The following KRTAP4-9 variants were observed in gnomAD, a reference collection of about 807,000 sequenced individuals.
KRTAP4-9 encodes keratin associated protein 4-9.
Under a neutral mutation model 4.3 loss-of-function variants are expected in KRTAP4-9, and 4 were observed. That is an observed-to-expected ratio of 0.94 (90% CI 0.46 to 2.15). The LOEUF is 2.15. Ranked by LOEUF, KRTAP4-9 falls within the 30% of genes most tolerant of loss-of-function variation. The pLI is 0.02. For missense variants in KRTAP4-9, 297 were observed against 278.5 expected (o/e 1.07, Z -0.47); for synonymous variants, 111 against 99.2 (o/e 1.12, Z -0.70).
At chr17:41,105,403 T>C (rs757020883) in exon 1 of KRTAP4-9, 3 of 1,602,672 alleles carry the variant, frequency 1.9e-6, no homozygotes, top group Non-Finnish European at 2.6e-6. Flanking sequence ...TCAGCTCCTG[T>C]TGTGGCTCCG....
chr17:41,105,634 C>G, exon 1 of KRTAP4-9: 6 of 1,601,606 alleles, frequency 3.7e-6, no homozygotes, highest in Non-Finnish European at 5.1e-6. Context: ...GCTACCGCCC[C>G]AGCTGTTGTG....
At chr17:41,106,215 C>T in exon 1 of KRTAP4-9, 4 of 1,031,940 alleles carry the variant, frequency 3.9e-6, no homozygotes, top group Non-Finnish European at 5.5e-6. Context: ...CCCTCCCTTG[C>T]TTTCTTTTTC....
chr17:41,105,813 C>T, exon 1 of KRTAP4-9: 3 of 1,612,040 alleles, frequency 1.9e-6, no homozygotes, highest in Non-Finnish European at 2.5e-6. Flanking sequence ...TGCTGCCAGT[C>T]TGTGTGCTGC....
exon 1 of KRTAP4-9, chr17:41,106,364 C>G (rs1360871273): frequency 1.5e-5 from 6 of 394,820 alleles, no homozygotes; most frequent in Non-Finnish European, 2.8e-5. Flanking sequence ...TCTGCAGGAC[C>G]AGTTTTGTCA....
At chr17:41,105,693 C>T in exon 1 of KRTAP4-9, 1 of 1,570,130 alleles carries the variant, frequency 6.4e-7, no homozygotes, top group Non-Finnish European at 8.6e-7. Flanking sequence ...TGCTGCCAAC[C>T]CACTTGCTGT....
At chr17:41,106,357 G>T in exon 1 of KRTAP4-9, 1 of 412,112 alleles carries the variant, frequency 2.4e-6, no homozygotes, top group South Asian at 5.3e-5. Flanking sequence ...GACATTATCT[G>T]CAGGACCAGT....
chr17:41,105,598 T>C, exon 1 of KRTAP4-9: 1 of 1,563,638 alleles, frequency 6.4e-7, no homozygotes, highest in Non-Finnish European at 8.6e-7. Context: ...CCAGCTGCTG[T>C]CAGACCACCT....
At position 41,105,764 on chromosome 17, in the gene KRTAP4-9, C is replaced by T. The variant is rs2014076031; in HGVS notation, c.376C>T (p.Arg126Cys). 1.2e-5 allele frequency: 19 copies of T among 1,602,518 alleles called. No individual in the cohort carries two copies. In the Middle Eastern group the frequency reaches 8.4e-4, roughly 71 times the overall value. ...TAGGTGCTGCATCTCCAGCTGCTGT[C>T]GCCCCAGCTGCTGTGTGTCCAGCTG... Residue 126 changes from arginine (R) to cysteine (C), a missense_variant, in exon 1 of 1, where the codon CGC becomes TGC. Physicochemically the swap from Arg to Cys is radical, Grantham distance 180. Transcript: ENST00000391415.
exon 1 of KRTAP4-9, chr17:41,106,446 T>C (rs1389593881): frequency 9.4e-6 from 2 of 211,814 alleles, no homozygotes; most frequent in Non-Finnish European, 2.1e-5. Flanking sequence ...TTCTTATGCT[T>C]TGTTGCATCT....
At chr17:41,105,421 T>C in exon 1 of KRTAP4-9, 1 of 1,611,708 alleles carries the variant, frequency 6.2e-7, no homozygotes, top group Non-Finnish European at 8.5e-7. Context: ...CCGTGTGCTC[T>C]GACCAGGGCT....
exon 1 of KRTAP4-9, chr17:41,105,699 G>T: frequency 1.3e-6 from 2 of 1,571,572 alleles, no homozygotes; most frequent in South Asian, 1.2e-5. Flanking sequence ...CAACCCACTT[G>T]CTGTCGCCCC....
exon 1 of KRTAP4-9, chr17:41,105,866 T>C: frequency 6.5e-7 from 1 of 1,532,088 alleles, no homozygotes; most frequent in South Asian, 1.1e-5. Context: ...CTCCAGCTGC[T>C]GCCGCCCCTC....
In KRTAP4-9 at chr17:41,105,824, C is replaced by T; in HGVS notation, c.436C>T (p.Gln146Ter). ...CCAGTGCTGCCAGTCTGTGTGCTGC[C>T]AGCCCAACTGCTGCCGCCCCAGCTG... The change falls in exon 1 of 1, where the codon CAG (glutamine) becomes TAG (stop). Residue 146 changes from glutamine to a stop codon, truncating the protein, a stop_gained. Transcript: ENST00000391415. LOFTEE classifies it high-confidence loss of function. 1 of 1,611,818 alleles carries T rather than the reference C, an allele frequency of 6.2e-7. No individual in the cohort carries two copies.
exon 1 of KRTAP4-9, chr17:41,105,672 G>A: frequency 1.9e-6 from 3 of 1,565,414 alleles, no homozygotes; most frequent in Non-Finnish European, 2.6e-6. Context: ...CCCCAGTGCT[G>A]CCAGCCTGCG....
chr17:41,106,170 T>C (rs1262654884), exon 1 of KRTAP4-9: 4 of 1,328,656 alleles, frequency 3.0e-6, no homozygotes, highest in Non-Finnish European at 4.0e-6. Flanking sequence ...ACCATTTCAC[T>C]GACTCTTTGA....
At position 41,106,113 on chromosome 17, in the gene KRTAP4-9, T is replaced by C. The variant is rs966627383; in HGVS notation, c.*92T>C. The C allele has an allele frequency of 8.8e-6, 13 of 1,469,868 alleles. No individual in the cohort carries two copies. In the African/African-American group the frequency reaches 1.7e-4, roughly 19 times the overall value. 91.1% of individuals were successfully genotyped at this position (1,469,868 alleles called of 1,614,324 possible). ...GACCATTAGGATACAGGAAGTGGGG[T>C]TGATGTCATTCAATAGAATGGAACT... On this transcript the variant is annotated 3_prime_UTR_variant, in exon 1 of 1. Coordinates refer to ENST00000391415, the Ensembl canonical transcript of KRTAP4-9.
At chr17:41,105,706 C>T in exon 1 of KRTAP4-9, 27 of 1,572,960 alleles carry the variant, frequency 1.7e-5, no homozygotes, top group Non-Finnish European at 2.3e-5. Flanking sequence ...CTTGCTGTCG[C>T]CCCAGCTGCT....
chr17:41,105,748 C>T (rs1447446824), exon 1 of KRTAP4-9: 4 of 1,601,522 alleles, frequency 2.5e-6, no homozygotes, highest in African/African-American at 1.3e-5. Flanking sequence ...CTAGGTGCTG[C>T]ATCTCCAGCT....
exon 1 of KRTAP4-9, chr17:41,105,636 G>T: frequency 6.2e-7 from 1 of 1,601,600 alleles, no homozygotes; most frequent in Non-Finnish European, 8.5e-7. Flanking sequence ...TACCGCCCCA[G>T]CTGTTGTGTG....
Sources: gnomAD v4.1 joint callset for allele counts on GRCh38, gnomAD v4.1.1 for gene constraint, MANE v1.5 for transcripts, NCBI Gene and HGNC (gene_info 2026-07-23, HGNC 2026-07-21) for gene names.